The following KCNAB1 variants were observed in gnomAD, a reference collection of about 807,000 sequenced individuals.
KCNAB1 encodes voltage-gated potassium channel subunit beta-1.
A neutral mutation model predicts 64.6 loss-of-function variants in KCNAB1; 35 were observed. The observed-to-expected ratio is 0.54, with a 90% CI of 0.41 to 0.72. KCNAB1 has a LOEUF of 0.72. Among genes scored for constraint, KCNAB1 ranks in the 30% least tolerant of loss-of-function variants. The pLI, the probability that KCNAB1 is intolerant of heterozygous loss-of-function variation, is 0.00. For synonymous variants in KCNAB1, 177 were observed against 183.8 expected, an observed-to-expected ratio of 0.96 and a Z score of 0.30; for missense variants, 401 against 512.9, an observed-to-expected ratio of 0.78 and a Z score of 2.11.
intron 1 of KCNAB1, among the ~76,000 whole-genome samples, chr3:156,297,631 C>A (rs1226435992): frequency 6.6e-5 from 10 of 152,110 alleles, no homozygotes; most frequent in Admixed American, 6.5e-4. Flanking sequence ...CCTTTCAGAG[C>A]CTTTTTATTA....
At chr3:156,233,490 C>T (rs4680249) in intron 1 of KCNAB1, among the ~76,000 whole-genome samples, 83,705 of 151,940 alleles carry the variant, frequency 0.55, 24,023 homozygotes, top group East Asian at 0.9. Flanking sequence ...TAAGAAACAA[C>T]ACGAATGGAG....
intron 1 of KCNAB1, among the ~76,000 whole-genome samples, chr3:156,238,920 C>A (rs893453567): frequency 6.6e-6 from 1 of 152,126 alleles, no homozygotes; most frequent in Non-Finnish European, 1.5e-5. Flanking sequence ...CACATAAGTC[C>A]TTGACTTGAG....
intron 8 of KCNAB1, among the ~76,000 whole-genome samples, chr3:156,478,795 G>T (rs1048231613): frequency 2.0e-4 from 31 of 152,082 alleles, no homozygotes; most frequent in African/African-American, 7.2e-4. Flanking sequence ...ATTAACTGCA[G>T]CATCTTTATA....
chr3:156,172,477 G>C (rs564570886), intron 1 of KCNAB1, among the ~76,000 whole-genome samples: 1 of 152,038 alleles, frequency 6.6e-6, no homozygotes, highest in Non-Finnish European at 1.5e-5. Flanking sequence ...ACAGGGTTTC[G>C]CCATGTTGGC....
chr3:156,520,563 A>G (rs879804922), intron 11 of KCNAB1, among the ~76,000 whole-genome samples: 17 of 152,278 alleles, frequency 1.1e-4, no homozygotes, highest in Admixed American at 3.3e-4. Context: ...GAGCAATACA[A>G]TGAGACCCTG....
At chr3:156,280,473 A>T (rs1241179145) in intron 1 of KCNAB1, among the ~76,000 whole-genome samples, 3 of 149,114 alleles carry the variant, frequency 2.0e-5, no homozygotes, top group Non-Finnish European at 4.5e-5. Flanking sequence ...TTCCATATGA[A>T]CTTTAAAGTA....
rs145976675 is a variant in KCNAB1, at chr3:156,292,152, T to C, written c.276-129464T>C. ...AGGTATGCACGTAAGATTCCCTCTG[T>C]GCGGGGTATCCAGGTTCTATACAGG... is the stretch of plus-strand genomic sequence containing the variant. On this transcript the variant is annotated intron_variant, in intron 1 of 13. Transcript: ENST00000490337. 1.1e-3 allele frequency: 1,724 copies of C among 1,612,552 alleles called. 19 individuals carry two copies. In the South Asian group the frequency reaches 0.012, roughly 11 times the overall value.
At chr3:156,313,359 C>A (rs1285705732) in intron 1 of KCNAB1, among the ~76,000 whole-genome samples, 2 of 151,840 alleles carry the variant, frequency 1.3e-5, no homozygotes, top group Non-Finnish European at 2.9e-5. Flanking sequence ...ATGTTCATGG[C>A]AAAAAGGACT....
intron 1 of KCNAB1, among the ~76,000 whole-genome samples, chr3:156,260,884 T>G (rs1317329197): frequency 3.3e-5 from 5 of 152,146 alleles, no homozygotes. Flanking sequence ...AGTTCCAGTT[T>G]CTCCACATTT....
intron 1 of KCNAB1, among the ~76,000 whole-genome samples, chr3:156,332,931 G>C (rs1179695371): frequency 6.6e-6 from 1 of 152,104 alleles, no homozygotes; most frequent in South Asian, 2.1e-4. Context: ...ATGTGAAACT[G>C]TTCTCAAAAT....
intron 1 of KCNAB1, among the ~76,000 whole-genome samples, chr3:156,189,727 A>G (rs1713437825): frequency 6.6e-6 from 1 of 151,554 alleles, no homozygotes; most frequent in South Asian, 2.1e-4. Context: ...AAATTTCACA[A>G]TGATACATGC....
At chr3:156,194,577 G>A (rs1360582437) in intron 1 of KCNAB1, among the ~76,000 whole-genome samples, 1 of 151,918 alleles carries the variant, frequency 6.6e-6, no homozygotes, top group Non-Finnish European at 1.5e-5. Flanking sequence ...TCTTACTTTT[G>A]GAGTTTATTT....
intron 11 of KCNAB1, among the ~76,000 whole-genome samples, chr3:156,520,991 T>C (rs1467593485): frequency 6.6e-6 from 1 of 152,210 alleles, no homozygotes; most frequent in African/African-American, 2.4e-5. Flanking sequence ...CTTACCCCAA[T>C]ATCAATACCT....
At chr3:156,435,254 T>G (rs79744605) in intron 2 of KCNAB1, among the ~76,000 whole-genome samples, 5,448 of 152,280 alleles carry the variant, frequency 0.036, 329 homozygotes, top group African/African-American at 0.13. Flanking sequence ...TATTTTCTTT[T>G]TGAAGCAGGA....
intron 1 of KCNAB1, among the ~76,000 whole-genome samples, chr3:156,324,606 G>A (rs1295558892): frequency 6.6e-6 from 1 of 152,092 alleles, no homozygotes; most frequent in African/African-American, 2.4e-5. Context: ...CTCAAGTTCG[G>A]AACTGATACC....
intron 1 of KCNAB1, among the ~76,000 whole-genome samples, chr3:156,246,361 T>C (rs1222657179): frequency 6.6e-6 from 1 of 152,014 alleles, no homozygotes; most frequent in Non-Finnish European, 1.5e-5. Flanking sequence ...ATCCCAGCAC[T>C]TTGGGAGGCC....
intron 1 of KCNAB1, among the ~76,000 whole-genome samples, chr3:156,382,501 C>T (rs1310233970): frequency 1.3e-5 from 2 of 152,026 alleles, no homozygotes; most frequent in Admixed American, 6.6e-5. Context: ...CAAACGAAAA[C>T]AAAAAACAAA....
chr3:156,129,560 C>A (rs537008725), intron 1 of KCNAB1, among the ~76,000 whole-genome samples: 1 of 152,300 alleles, frequency 6.6e-6, no homozygotes, highest in Non-Finnish European at 1.5e-5. Context: ...CCCTTACAAT[C>A]TGTGTGACCT....
At chr3:156,394,444 A>C (rs190592058) in intron 1 of KCNAB1, among the ~76,000 whole-genome samples, 18 of 152,322 alleles carry the variant, frequency 1.2e-4, no homozygotes, top group Admixed American at 9.1e-4. Context: ...CCTGACAGCT[A>C]TCACACAATG....
Sources: allele counts gnomAD v4.1 joint callset (sites outside exome capture counted in the v4.1 genomes callset), GRCh38; gene constraint gnomAD v4.1.1; transcripts MANE v1.5; gene names NCBI Gene and HGNC (gene_info 2026-07-23, HGNC 2026-07-21).